The following PRICKLE1 variants were observed in gnomAD, a reference collection of about 807,000 sequenced individuals.
PRICKLE1 encodes prickle-like protein 1.
A neutral mutation model predicts 70.2 loss-of-function variants in PRICKLE1; 14 were observed. That is an observed-to-expected ratio of 0.20 (90% CI 0.13 to 0.31). The LOEUF (loss-of-function observed/expected upper bound fraction) is 0.31, where lower values mean the gene tolerates loss of function less well. Among genes scored for constraint, PRICKLE1 ranks in the 10% least tolerant of loss-of-function variants. PRICKLE1 has a pLI of 1.00. For missense variants in PRICKLE1, 821 were observed against 1,026.2 expected, an observed-to-expected ratio of 0.80 and a Z score of 2.73; for synonymous variants, 357 against 379.9, an observed-to-expected ratio of 0.94 and a Z score of 0.70.
intron 1 of PRICKLE1, among the ~76,000 whole-genome samples, chr12:42,500,251 T>A (rs1939281432): frequency 6.6e-6 from 1 of 152,236 alleles, no homozygotes; most frequent in South Asian, 2.1e-4. Flanking sequence ...AATGACACCC[T>A]GAGCTTTCTG....
At position 42,464,314 on chromosome 12, in the gene PRICKLE1, C is replaced by A. The variant is rs1386295921; in HGVS notation, c.1639+81G>T. 1.0e-5 allele frequency: 16 copies of A among 1,568,004 alleles called. No homozygotes were observed. The highest frequency in any genetic ancestry group is 1.3e-5 in the Non-Finnish European group (15 of 1,140,408). Reference sequence around the variant, plus strand: ...GGAATTATAGGCATGAGCCACTGCGCCTGGCTTGAATTGCAATTTTTTGAA... The same window carrying A: ...GGAATTATAGGCATGAGCCACTGCGACTGGCTTGAATTGCAATTTTTTGAA... On this transcript the variant is annotated intron_variant, in intron 7 of 7. Transcript: ENST00000345127. The surrounding 1 kb of genome is among the most constrained non-coding windows in gnomAD (Gnocchi z 4.2).
chr12:42,556,944 G>A (rs1221508817), intron 1 of PRICKLE1, among the ~76,000 whole-genome samples: 1 of 151,908 alleles, frequency 6.6e-6, no homozygotes, highest in African/African-American at 2.4e-5. Flanking sequence ...CTTAGTTTAG[G>A]ACAAAGACCA....
rs532552856 is a variant in PRICKLE1 at position 42,516,618 on chromosome 12, C to G, written c.-48-44054G>C. ...TCTTTGTTTCTCTCTCTCTGTTCAT[C>G]CTCATCTACCTGTTCATATTTAATA... On this transcript the variant is annotated intron_variant, in intron 1 of 7. Transcript: ENST00000345127. 2.0e-5 allele frequency among the ~76,000 whole-genome samples: 3 copies of G among 152,196 alleles called. No homozygotes were observed. The South Asian group carries it at 6.2e-4, about 32-fold the overall frequency.
intron 1 of PRICKLE1, among the ~76,000 whole-genome samples, chr12:42,475,877 A>G (rs530573831): frequency 8.6e-5 from 13 of 151,832 alleles, no homozygotes; most frequent in African/African-American, 2.9e-4. Context: ...GCGGGGGCAG[A>G]CCACCTGAGG....
intron 1 of PRICKLE1, among the ~76,000 whole-genome samples, chr12:42,535,436 CAG>C (rs1940000936): frequency 1.3e-5 from 2 of 152,162 alleles, no homozygotes; most frequent in South Asian, 4.1e-4. Context: ...TGGTGTGGAT[CAG>C]AGTCAGTATA....
intron 1 of PRICKLE1, among the ~76,000 whole-genome samples, chr12:42,540,572 T>C (rs934536354): frequency 6.6e-6 from 1 of 152,104 alleles, no homozygotes; most frequent in Non-Finnish European, 1.5e-5. Flanking sequence ...TATATATATA[T>C]AGTTTTTGAG....
At chr12:42,498,525 G>A (rs1939250534) in intron 1 of PRICKLE1, among the ~76,000 whole-genome samples, 1 of 152,200 alleles carries the variant, frequency 6.6e-6, no homozygotes, top group South Asian at 2.1e-4. Context: ...GCTCATGCCT[G>A]TAATTCCAGC....
chr12:42,589,133 G>A lies in PRICKLE1; in HGVS notation c.-49+332C>T, dbSNP rs928525392. On this transcript the variant is annotated intron_variant, in intron 1 of 7. Coordinates refer to ENST00000345127, the MANE Select transcript of PRICKLE1 (RefSeq NM_153026.3). This position sits in a 1 kb window ranked among gnomAD's most constrained non-coding sequence, Gnocchi z 5.0. ...ACGCACCCTCGCCTCCCGGCGCCCC[G>A]CATCGCCTCGACCCTCGGGCTACAG... 2.6e-5 allele frequency: 4 copies of A among 152,262 alleles called. No individual in the cohort carries two copies. Among genetic ancestry groups the A allele is most frequent in the East Asian group, 1.9e-4 (1 of 5,176 alleles). The allele number at this position is 152,262 out of a possible 1,614,324, so 9.4% of individuals were successfully genotyped here. A position where few individuals can be genotyped will look rare whatever the true frequency, so the allele number is the denominator to read the frequency against.
Position 42,457,486 on chromosome 12 carries a change from GAACA to G in PRICKLE1, c.*2319_*2322del, listed in dbSNP as rs1409495627. 6.6e-6 allele frequency: 1 copy of G among 152,172 alleles called. No individual in the cohort carries two copies. Among genetic ancestry groups the G allele is most frequent in the Non-Finnish European group, 1.5e-5 (1 of 68,044 alleles). The allele number at this position is 152,172 out of a possible 1,614,324, so 9.4% of individuals were successfully genotyped here. On this transcript the variant is annotated 3_prime_UTR_variant, in exon 8 of 8. Transcript: ENST00000345127. The stretch of plus-strand genomic sequence containing the variant: ...GCTAATACATTGAGAGGTTGTGATG[GAACA>G]AACACTCTCATTTACATTACATTAA...
intron 1 of PRICKLE1, among the ~76,000 whole-genome samples, chr12:42,487,763 C>T (rs975156158): frequency 1.3e-4 from 20 of 152,126 alleles, no homozygotes; most frequent in African/African-American, 4.6e-4. Flanking sequence ...CAAAAAATCT[C>T]GGCCAAGCGT....
chr12:42,559,636 TGG>T (rs149270923), intron 1 of PRICKLE1, among the ~76,000 whole-genome samples: 9 of 88,200 alleles, frequency 1.0e-4, no homozygotes, highest in East Asian at 3.4e-4. Context: ...TTTTTTTTTT[TGG>T]GGGGGGTAGA....
chr12:42,476,169 C>G (rs1938521810), intron 1 of PRICKLE1, among the ~76,000 whole-genome samples: 1 of 149,374 alleles, frequency 6.7e-6, no homozygotes, highest in African/African-American at 2.5e-5. Flanking sequence ...TACATCATCA[C>G]TAGCAACTTC....
Position 42,528,110 on chromosome 12 carries a change from T to C in PRICKLE1, c.-48-55546A>G, listed in dbSNP as rs1939847875. Among the ~76,000 whole-genome samples, 6 of 152,014 alleles carry C rather than the reference T, an allele frequency of 3.9e-5. No homozygotes were observed. In the South Asian group the frequency reaches 1.2e-3, roughly 32 times the overall value. ...TAACTTACTTATTTGAGACAGAGTA[T>C]TGCTCTGTCAGCAAGGTTGGAGGGC... is the stretch of plus-strand genomic sequence containing the variant. On this transcript the variant is annotated intron_variant, in intron 1 of 7. Coordinates refer to ENST00000345127, the MANE Select transcript of PRICKLE1 (RefSeq NM_153026.3).
chr12:42,575,675 C>T (rs1008274305), intron 1 of PRICKLE1, among the ~76,000 whole-genome samples: 1 of 150,660 alleles, frequency 6.6e-6, no homozygotes, highest in African/African-American at 2.4e-5. Flanking sequence ...GCCTGGGTGA[C>T]AGAGCGAAAC....
intron 1 of PRICKLE1, among the ~76,000 whole-genome samples, chr12:42,516,095 A>G (rs1176544140): frequency 1.3e-5 from 2 of 151,074 alleles, no homozygotes; most frequent in Admixed American, 6.6e-5. Context: ...CCTATACTGT[A>G]GCTTCCAAGA....
chr12:42,487,361 G>C (rs1939008399), intron 1 of PRICKLE1, among the ~76,000 whole-genome samples: 1 of 152,160 alleles, frequency 6.6e-6, no homozygotes, highest in Admixed American at 6.6e-5. Flanking sequence ...GCATTATAAA[G>C]TTTTATAATA....
chr12:42,556,948 A>C (rs1327022849), intron 1 of PRICKLE1, among the ~76,000 whole-genome samples: 1 of 152,184 alleles, frequency 6.6e-6, no homozygotes, highest in East Asian at 1.9e-4. Context: ...GTTTAGGACA[A>C]AGACCAAGGA....
chr12:42,530,006 G>A (rs1193670159), intron 1 of PRICKLE1, among the ~76,000 whole-genome samples: 1 of 150,232 alleles, frequency 6.7e-6, no homozygotes, highest in East Asian at 2.0e-4. Context: ...GAGTGCAGTG[G>A]CACTATCTTG....
At chr12:42,565,739 T>C (rs1413673980) in intron 1 of PRICKLE1, among the ~76,000 whole-genome samples, 2 of 152,174 alleles carry the variant, frequency 1.3e-5, no homozygotes, top group African/African-American at 2.4e-5. Flanking sequence ...CTTTTTCTCT[T>C]TTTAAACCAG....
Sources: gnomAD v4.1 joint callset for allele counts (sites outside exome capture counted in the v4.1 genomes callset) on GRCh38, gnomAD v4.1.1 for gene constraint, Gnocchi (gnomAD v3.1) non-coding constraint, MANE v1.5 for transcripts, NCBI Gene and HGNC (gene_info 2026-07-23, HGNC 2026-07-21) for gene names.